The following PDE3A variants were observed in gnomAD, a reference collection of about 807,000 sequenced individuals.
PDE3A encodes cGMP-inhibited 3',5'-cyclic phosphodiesterase 3A.
Under a neutral mutation model 98.3 loss-of-function variants are expected in PDE3A, and 43 were observed. The observed-to-expected ratio is 0.44, with a 90% CI of 0.34 to 0.56. The LOEUF is 0.56. Among genes scored for constraint, PDE3A ranks in the 20% least tolerant of loss-of-function variants. The pLI, the probability that PDE3A is intolerant of heterozygous loss-of-function variation, is 0.01. For synonymous variants in PDE3A, 663 were observed against 567.9 expected (o/e 1.17, Z -2.38); for missense variants, 1,427 against 1,440.7 (o/e 0.99, Z 0.15).
At position 20,369,588 on chromosome 12, in the gene PDE3A, G is replaced by T; in HGVS notation, c.304G>T (p.Glu102Ter). ...GGAGGCGGCGGCGGCGGAGGAGGAG[G>T]AAGCAGCCCCGGGAGCAGAAGGGGG... Reference protein sequence around the residue: ...CKEAAAAEEEEAAPGAEGGVF... With the variant: ...CKEAAAAEEE Residue 102 changes from glutamate (E) to a stop codon, truncating the protein, a stop_gained, in exon 1 of 16, where the codon GAA becomes TAA. Coordinates refer to ENST00000359062, the MANE Select transcript of PDE3A (RefSeq NM_000921.5). LOFTEE classifies it high-confidence loss of function. The T allele has an allele frequency of 6.4e-7, 1 of 1,559,754 alleles. No homozygotes were observed. Among genetic ancestry groups the T allele is most frequent in the Non-Finnish European group, 8.7e-7 (1 of 1,153,338 alleles).
In PDE3A at chr12:20,515,699, ATTATTTATTTATTTATTTAT is replaced by A. The variant is rs58454608; in HGVS notation, c.961-40930_961-40911del. On this transcript the variant is annotated intron_variant, in intron 1 of 15. Coordinates refer to ENST00000359062, the MANE Select transcript of PDE3A (RefSeq NM_000921.5). ...TTAGTGGTGTAGAATCTCACACTGT[ATTATTTATTTATTTATTTAT>A]TTATTTATTTATTTATTTATTTATT... Among the ~76,000 whole-genome samples the A allele has an allele frequency of 3.4e-3, 473 of 141,078 alleles. 2 individuals are homozygous for A. The highest frequency in any genetic ancestry group is 0.011 in the African/African-American group (418 of 38,130). The allele number at this position is 141,078 out of a possible 152,430, so 92.6% of individuals were successfully genotyped here. A position where few individuals can be genotyped will look rare whatever the true frequency, so the allele number is the denominator to read the frequency against.
intron 1 of PDE3A, among the ~76,000 whole-genome samples, chr12:20,528,987 T>G (rs1348294437): frequency 2.0e-5 from 3 of 152,156 alleles, no homozygotes; most frequent in Non-Finnish European, 4.4e-5. Flanking sequence ...TAAAAATTCA[T>G]GAGCAGGACA....
At chr12:20,426,544 T>G (rs1944604911) in intron 1 of PDE3A, among the ~76,000 whole-genome samples, 2 of 152,074 alleles carry the variant, frequency 1.3e-5, no homozygotes, top group East Asian at 3.9e-4. Context: ...CAAACTGGAG[T>G]GCCAGAAGTC....
chr12:20,611,562 GTACT>G, intron 2 of PDE3A, among the ~76,000 whole-genome samples: 1 of 151,760 alleles, frequency 6.6e-6, no homozygotes, highest in South Asian at 2.1e-4. Context: ...AGTAATAATA[GTACT>G]TACTAATACT....
chr12:20,382,554 T>A (rs1943680721), intron 1 of PDE3A, among the ~76,000 whole-genome samples: 3 of 151,904 alleles, frequency 2.0e-5, no homozygotes, highest in African/African-American at 7.2e-5. Flanking sequence ...CTTCACTACC[T>A]ATCTCATATG....
chr12:20,577,957 C>T (rs1450754258), intron 2 of PDE3A, among the ~76,000 whole-genome samples: 3 of 152,172 alleles, frequency 2.0e-5, no homozygotes, highest in Admixed American at 2.0e-4. Flanking sequence ...TAGTAACAAA[C>T]GTAGGTTTGA....
At chr12:20,551,807 C>G in intron 1 of PDE3A, 2 of 1,614,008 alleles carry the variant, frequency 1.2e-6, no homozygotes, top group South Asian at 1.1e-5. Flanking sequence ...ACATCGTCCT[C>G]ACAGCGGGAC....
intron 1 of PDE3A, among the ~76,000 whole-genome samples, chr12:20,381,755 T>C (rs1359500598): frequency 6.6e-6 from 1 of 151,948 alleles, no homozygotes; most frequent in African/African-American, 2.4e-5. Context: ...CCAGAATTGA[T>C]TAAAAATGTC....
At chr12:20,563,979 G>T (rs1192616923) in intron 2 of PDE3A, among the ~76,000 whole-genome samples, 1 of 152,106 alleles carries the variant, frequency 6.6e-6, no homozygotes, top group Non-Finnish European at 1.5e-5. Context: ...CAAACTGCAA[G>T]ACACAGTTTT....
At chr12:20,439,128 TA>T (rs1944826541) in intron 1 of PDE3A, among the ~76,000 whole-genome samples, 1 of 152,082 alleles carries the variant, frequency 6.6e-6, no homozygotes, top group East Asian at 1.9e-4. Context: ...TTTTGAATGT[TA>T]AAAAATGAAA....
chr12:20,680,260 C>T lies in PDE3A; in HGVS notation c.3415C>T (p.Pro1139Ser), dbSNP rs757259972. The stretch of plus-strand genomic sequence containing the variant: ...AGGCGAGGAGATACCAACCCAAAAG[C>T]CAGACCAGTGACAATGGATAGAATG... ...PRGEEIPTQKPDQ is the reference protein window; with the variant it reads ...PRGEEIPTQKSDQ The change falls in exon 16 of 16, where the codon CCA (proline) becomes TCA (serine). Residue 1139 changes from proline to serine, a missense_variant. Physicochemically the swap from Pro to Ser is moderately conservative, Grantham distance 74. This residue lies in a region of PDE3A where 142 missense variants were observed against 133.9 expected (regional missense o/e 1.06). Transcript: ENST00000359062. The T allele has an allele frequency of 9.9e-6, 16 of 1,613,816 alleles. No homozygotes were observed. In the African/African-American group the frequency reaches 2.1e-4, roughly 22 times the overall value.
At chr12:20,474,574 G>A (rs1175091247) in intron 1 of PDE3A, among the ~76,000 whole-genome samples, 1 of 152,206 alleles carries the variant, frequency 6.6e-6, no homozygotes, top group East Asian at 1.9e-4. Context: ...CAAGGTTTCA[G>A]CAGAGGCTTG....
chr12:20,478,330 G>A (rs1945564551), intron 1 of PDE3A, among the ~76,000 whole-genome samples: 1 of 152,100 alleles, frequency 6.6e-6, no homozygotes, highest in Non-Finnish European at 1.5e-5. Flanking sequence ...AATAGCTGCA[G>A]TTGTAATCAG....
intron 5 of PDE3A, among the ~76,000 whole-genome samples, chr12:20,622,046 C>T (rs1313309155): frequency 1.3e-5 from 2 of 152,116 alleles, no homozygotes; most frequent in Non-Finnish European, 2.9e-5. Context: ...TTTCACTTCT[C>T]AGTATTACAG....
Position 20,552,818 on chromosome 12 carries a change from T to G in PDE3A, c.961-3842T>G, listed in dbSNP as rs578225108. 218 of 1,613,976 alleles carry G rather than the reference T, an allele frequency of 1.4e-4. 2 individuals carry two copies. The African/African-American group carries it at 2.2e-3, about 17-fold the overall frequency. On this transcript the variant is annotated intron_variant, in intron 1 of 15. Coordinates refer to ENST00000359062, the MANE Select transcript of PDE3A (RefSeq NM_000921.5). This position sits in a 1 kb window ranked among gnomAD's most constrained non-coding sequence, Gnocchi z 5.1. ...TTCCAGTGTATCTGCTGTCAGGAGC[T>G]GGTGTTCCGGCCCATCACGACCGTG...
At chr12:20,468,003 G>A (rs1214153383) in intron 1 of PDE3A, among the ~76,000 whole-genome samples, 2 of 110,126 alleles carry the variant, frequency 1.8e-5, no homozygotes, top group Non-Finnish European at 1.8e-5. Context: ...GGATGAGAAC[G>A]TTTCTTGAAA....
Position 20,646,871 on chromosome 12 carries a change from T to C in PDE3A, c.2486T>C (p.Leu829Pro), listed in dbSNP as rs1944788446. ...GNIPALELMA[L>P]YVAAAMHDYD... is the part of the protein sequence containing the mutation. ...ATCCCTGCCTTGGAGTTGATGGCGC[T>C]GTATGTGGCTGCAGCCATGCACGAT... Residue 829 changes from leucine to proline, a missense_variant, in exon 12 of 16, where the codon CTG (leucine) becomes CCG (proline). Coordinates refer to ENST00000359062, the MANE Select transcript of PDE3A (RefSeq NM_000921.5). The C allele has an allele frequency of 6.2e-7, 1 of 1,613,772 alleles. No individual in the cohort carries two copies. Among genetic ancestry groups the C allele is most frequent in the Non-Finnish European group, 8.5e-7 (1 of 1,179,664 alleles).
At chr12:20,518,063 A>G (rs1946354814) in intron 1 of PDE3A, among the ~76,000 whole-genome samples, 1 of 152,170 alleles carries the variant, frequency 6.6e-6, no homozygotes, top group Admixed American at 6.5e-5. Context: ...TTTCATGGGT[A>G]ATTCCTATGT....
At chr12:20,607,026 T>C (rs1432445967) in intron 2 of PDE3A, among the ~76,000 whole-genome samples, 2 of 152,056 alleles carry the variant, frequency 1.3e-5, no homozygotes, top group African/African-American at 2.4e-5. Flanking sequence ...CCACTCTAGA[T>C]TGTAATATAC....
Sources: allele counts gnomAD v4.1 joint callset (sites outside exome capture counted in the v4.1 genomes callset), GRCh38; gene constraint gnomAD v4.1.1; regional missense constraint gnomAD v4.1.1; non-coding constraint Gnocchi (gnomAD v3.1); transcripts MANE v1.5; gene names NCBI Gene and HGNC (gene_info 2026-07-23, HGNC 2026-07-21).